Variants in PJVK observed in about 807,000 individuals in gnomAD.
The protein encoded by PJVK is autosomal recessive deafness type 59 protein.
PJVK carries 33 observed loss-of-function variants against 37.6 expected under a neutral mutation model. That is an observed-to-expected ratio of 0.88 (90% confidence interval 0.67 to 1.17). The LOEUF is 1.17. Ranked by LOEUF, PJVK falls within the 50% of genes most tolerant of loss-of-function variation. The pLI is 0.00. For synonymous variants in PJVK, 141 were observed against 143.5 expected, an observed-to-expected ratio of 0.98 and a Z score of 0.13; for missense variants, 410 against 413.8, an observed-to-expected ratio of 0.99 and a Z score of 0.08.
At chr2:178,454,874 T>C (rs1683926866) in intron 3 of PJVK, 2 of 988,474 alleles carry the variant, frequency 2.0e-6, no homozygotes, top group Non-Finnish European at 1.6e-6. Flanking sequence ...CTGAGGAAGA[T>C]GAGGAGGAGG....
intron 1 of PJVK, 116 bp downstream of exon 1, chr2:178,451,885 G>T (rs2154125752): frequency 1.0e-6 from 1 of 979,712 alleles, no homozygotes; most frequent in Non-Finnish European, 1.2e-6. Context: ...GCCATTAGAT[G>T]ACGTGTCGCT....
In PJVK at chr2:178,461,277, T is replaced by A. The variant is rs1684495584; in HGVS notation, c.*3T>A. ...TTTGGCACAAGAGGATGAAATAAAA[T>A]GAAAAATGAATACACCGTGTTGGTG... is the stretch of plus-strand genomic sequence containing the variant. On this transcript the variant is annotated 3_prime_UTR_variant, in exon 7 of 7. Transcript: ENST00000644580. 1.2e-6 allele frequency: 2 copies of A among 1,613,910 alleles called. No homozygotes were observed. Among genetic ancestry groups the A allele is most frequent in the Non-Finnish European group, 8.5e-7 (1 of 1,180,012 alleles).
rs1684407903 is a variant in PJVK at position 178,460,375 on chromosome 2, G to A, written c.695G>A (p.Gly232Glu). Residue 232 changes from glycine (G) to glutamate (E), a missense_variant, in exon 6 of 7, where the codon GGA (glycine) becomes GAA (glutamate). Gly to Glu is a moderately conservative substitution (Grantham distance 98, BLOSUM62 -2). Transcript: ENST00000644580. ...FDLCVTSVSK[G>E]GFEREETATF... ...CTTTGTGTCACTTCAGTGTCAAAAG[G>A]AGGATTTGAAAGGGAAGAAACGGCA... 6.2e-7 allele frequency: 1 copy of A among 1,613,928 alleles called. No individual in the cohort carries two copies. Among genetic ancestry groups the A allele is most frequent in the African/African-American group, 1.3e-5 (1 of 74,922 alleles).
rs1234381188 is a variant in PJVK, at chr2:178,451,694, C to A, written c.-98C>A. 3 of 807,066 alleles carry A rather than the reference C, an allele frequency of 3.7e-6. No individual in the cohort carries two copies. Among genetic ancestry groups the A allele is most frequent in the Non-Finnish European group, 4.5e-6 (3 of 667,380 alleles). 50.0% of individuals were successfully genotyped at this position (807,066 alleles called of 1,614,324 possible). On this transcript the variant is annotated 5_prime_UTR_variant, in exon 1 of 7. Coordinates refer to ENST00000644580, the MANE Select transcript of PJVK (RefSeq NM_001042702.5). ...CCCTGTGTTTAGGAACACGCGGGGA[C>A]GTCCAAACACCCGCTCCTCTCCCGC... is the stretch of plus-strand genomic sequence containing the variant.
At position 178,453,462 on chromosome 2, in the gene PJVK, G is replaced by T. The variant is rs397516555; in HGVS notation, c.53G>T (p.Arg18Ile). The T allele has an allele frequency of 1.9e-6, 3 of 1,614,034 alleles. No individual in the cohort carries two copies. In the African/African-American group the frequency reaches 4.0e-5, roughly 22 times the overall value. The change falls in exon 2 of 7, where the codon AGA becomes ATA. Residue 18 changes from arginine to isoleucine, a missense_variant. Transcript: ENST00000644580. The part of the protein sequence containing the change: ...SFVKQVGDGG[R>I]LVPVPSLSEA... ...GTCAAGCAAGTTGGAGATGGAGGGA[G>T]ATTAGTTCCTGTTCCAAGCCTCAGT...
chr2:178,451,714 TCCCG>T lies in PJVK; in HGVS notation c.-75_-72del. The T allele has an allele frequency of 2.1e-6, 2 of 958,166 alleles. No homozygotes were observed. The highest frequency in any genetic ancestry group is 2.5e-6 in the Non-Finnish European group (2 of 805,170). The allele number at this position is 958,166 out of a possible 1,614,324, so 59.4% of individuals were successfully genotyped here. The stretch of plus-strand genomic sequence containing the variant: ...GGGGACGTCCAAACACCCGCTCCTC[TCCCG>T]CCGGGCGGGCTCCTTTGTCTTCTGG... On this transcript the variant is annotated 5_prime_UTR_variant, in exon 1 of 7. Transcript: ENST00000644580.
Position 178,458,551 on chromosome 2 carries a change from A to G in PJVK, c.591A>G (p.Lys197=). 1 of 1,614,052 alleles carries G rather than the reference A, an allele frequency of 6.2e-7. No individual in the cohort carries two copies. The highest frequency in any genetic ancestry group is 8.5e-7 in the Non-Finnish European group (1 of 1,179,948). ...AACAGAATCCCAAGGGAAGGGACAA[A>G]GCTATTGTTTTCCCAGCACATACAA... The part of the protein sequence containing the change: ...MDEQNPKGRD[K]AIVFPAHTTI... Residue 197 remains lysine (K), a synonymous_variant, in exon 5 of 7, where the codon AAA becomes AAG. Transcript: ENST00000644580.
chr2:178,456,854 T>C (rs1388607155), intron 4 of PJVK, among the ~76,000 whole-genome samples: 2 of 152,318 alleles, frequency 1.3e-5, no homozygotes, highest in East Asian at 3.9e-4. Context: ...ATTACATGCA[T>C]ACTGGAGTCC....
rs927624976 is a variant in PJVK, at chr2:178,451,469, T to C, written c.-323T>C. 2 of 178,550 alleles carry C rather than the reference T, an allele frequency of 1.1e-5. No individual in the cohort carries two copies. Among genetic ancestry groups the C allele is most frequent in the African/African-American group, 2.4e-5 (1 of 41,956 alleles). The allele number at this position is 178,550 out of a possible 1,614,324, so 11.1% of individuals were successfully genotyped here. A position where few individuals can be genotyped will look rare whatever the true frequency, so the allele number is the denominator to read the frequency against. On this transcript the variant is annotated 5_prime_UTR_variant, in exon 1 of 7. Transcript: ENST00000644580. ...CGGGAGAGAGGGATTAGAGGGATTG[T>C]CCGGCGTGGGTCTAGGGTCGTTGAG... is the stretch of plus-strand genomic sequence containing the variant.
At chr2:178,459,778 T>A (rs1271844839) in intron 5 of PJVK, 2 of 153,860 alleles carry the variant, frequency 1.3e-5, no homozygotes, top group Non-Finnish European at 2.9e-5. Flanking sequence ...ATATATAATT[T>A]GGACTTCCAC....
chr2:178,454,418 G>C lies in PJVK; in HGVS notation c.298G>C (p.Val100Leu). The change falls in exon 3 of 7, where the codon GTT (valine) becomes CTT (leucine). Residue 100 changes from valine (V) to leucine (L), a missense_variant. Transcript: ENST00000644580. ...GRRGNHIVNDVGINVAGSDSI... is the reference protein window; with the variant it reads ...GRRGNHIVNDLGINVAGSDSI... Reference sequence around the variant, plus strand: ...GCGAGGTAACCATATTGTAAATGACGTTGGGATTAACGTTGCTGGATCAGA... The same window carrying C: ...GCGAGGTAACCATATTGTAAATGACCTTGGGATTAACGTTGCTGGATCAGA... The C allele has an allele frequency of 6.2e-7, 1 of 1,613,956 alleles. No homozygotes were observed.
chr2:178,454,404 A>C lies in PJVK; in HGVS notation c.284A>C (p.His95Pro), dbSNP rs916960879. Residue 95 changes from histidine to proline, a missense_variant, in exon 3 of 7, where the codon CAT (histidine) becomes CCT (proline). Physicochemically the swap from His to Pro is moderately conservative, Grantham distance 77 (BLOSUM62 -2). Coordinates refer to ENST00000644580, the MANE Select transcript of PJVK (RefSeq NM_001042702.5). ...DVSLYGRRGN[H>P]IVNDVGINVA... is the part of the protein sequence containing the mutation. Reference sequence around the variant, plus strand: ...TCACTCTATGGAAGGCGAGGTAACCATATTGTAAATGACGTTGGGATTAAC... The same window carrying C: ...TCACTCTATGGAAGGCGAGGTAACCCTATTGTAAATGACGTTGGGATTAAC... The C allele has an allele frequency of 1.2e-6, 2 of 1,614,034 alleles. No homozygotes were observed. The highest frequency in any genetic ancestry group is 1.7e-6 in the Non-Finnish European group (2 of 1,179,968).
intron 3 of PJVK, 190 bp downstream of exon 3, chr2:178,454,717 A>G: frequency 6.5e-7 from 1 of 1,545,170 alleles, no homozygotes; most frequent in Non-Finnish European, 8.8e-7. Context: ...ACTTGGCTGA[A>G]GTCAGAGACC....
At chr2:178,453,650 C>G in intron 2 of PJVK, 30 bp downstream of exon 2, 1 of 1,565,050 alleles carries the variant, frequency 6.4e-7, no homozygotes, top group Non-Finnish European at 8.8e-7. Flanking sequence ...AGTGCCAACT[C>G]ATTCATCTGT....
chr2:178,458,863 A>G (rs1056704984), intron 5 of PJVK, among the ~76,000 whole-genome samples: 3 of 152,140 alleles, frequency 2.0e-5, no homozygotes, highest in Non-Finnish European at 4.4e-5. Context: ...CCACTACCCC[A>G]TTTAAAATTA....
intron 3 of PJVK, chr2:178,455,115 C>T (rs1274832815): frequency 2.8e-5 from 44 of 1,596,960 alleles, no homozygotes; most frequent in African/African-American, 6.7e-5. Context: ...GAAGTGAAGG[C>T]GGAGGAGAGC....
chr2:178,451,699 A>G lies in PJVK; in HGVS notation c.-93A>G, dbSNP rs984068166. 8.8e-6 allele frequency: 8 copies of G among 905,054 alleles called. No individual in the cohort carries two copies. The South Asian group carries it at 1.5e-4, about 17-fold the overall frequency. The allele number at this position is 905,054 out of a possible 1,614,324, so 56.1% of individuals were successfully genotyped here. On this transcript the variant is annotated 5_prime_UTR_variant, in exon 1 of 7. Coordinates refer to ENST00000644580, the MANE Select transcript of PJVK (RefSeq NM_001042702.5). ...TGTTTAGGAACACGCGGGGACGTCCAAACACCCGCTCCTCTCCCGCCGGGC... is the reference window on the plus strand; with the variant it reads ...TGTTTAGGAACACGCGGGGACGTCCGAACACCCGCTCCTCTCCCGCCGGGC...
In PJVK at chr2:178,453,502, T is replaced by G; in HGVS notation, c.93T>G (p.Tyr31Ter). The G allele has an allele frequency of 6.2e-7, 1 of 1,614,168 alleles. No homozygotes were observed. Among genetic ancestry groups the G allele is most frequent in the South Asian group, 1.1e-5 (1 of 91,090 alleles). Reference protein sequence around the residue: ...PVPSLSEADKYQPLSLVVKKK... With the variant: ...PVPSLSEADK Reference sequence around the variant, plus strand: ...CAAGCCTCAGTGAAGCTGACAAATATCAACCTCTAAGTCTGGTGGTAAAAA... The same window carrying G: ...CAAGCCTCAGTGAAGCTGACAAATAGCAACCTCTAAGTCTGGTGGTAAAAA... Residue 31 changes from tyrosine to a stop codon, truncating the protein, a stop_gained, in exon 2 of 7, where the codon TAT becomes TAG. Transcript: ENST00000644580. LOFTEE classifies it high-confidence loss of function.
chr2:178,461,170 A>G lies in PJVK; in HGVS notation c.955A>G (p.Arg319Gly). 1.9e-6 allele frequency: 3 copies of G among 1,614,200 alleles called. No homozygotes were observed. The highest frequency in any genetic ancestry group is 1.7e-5 in the Admixed American group (1 of 60,022). The change falls in exon 7 of 7, where the codon AGG (arginine) becomes GGG (glycine). Residue 319 changes from arginine (R) to glycine (G), a missense_variant. Coordinates refer to ENST00000644580, the MANE Select transcript of PJVK (RefSeq NM_001042702.5). ...ACTCTGTGGAATGGGGAACTTCAAA[A>G]GGGAGACAGTTTATGGGTGCTTTCA... ...CILCGMGNFKRETVYGCFQCS... is the reference protein window; with the variant it reads ...CILCGMGNFKGETVYGCFQCS...
Sources: allele counts gnomAD v4.1 joint callset (sites outside exome capture counted in the v4.1 genomes callset), GRCh38; gene constraint gnomAD v4.1.1; transcripts MANE v1.5; gene names NCBI Gene and HGNC (gene_info 2026-07-23, HGNC 2026-07-21).